Variants in SHPK observed in about 807,000 individuals in gnomAD.
SHPK encodes carbohydrate kinase-like protein.
Under a neutral mutation model 46.3 loss-of-function variants are expected in SHPK, and 51 were observed. The observed-to-expected ratio is 1.10, with a 90% CI of 0.88 to 1.39. The LOEUF is 1.39. Ranked by LOEUF, SHPK falls within the 40% of genes most tolerant of loss-of-function variation. The pLI is 0.00. For synonymous variants in SHPK, 290 were observed against 273.9 expected (o/e 1.06, Z -0.58); for missense variants, 668 against 641.3 (o/e 1.04, Z -0.45).
At chr17:3,630,593 T>C (rs2075464817) in intron 1 of SHPK, among the ~76,000 whole-genome samples, 1 of 152,198 alleles carries the variant, frequency 6.6e-6, no homozygotes. Context: ...CACTGGTGGC[T>C]CAAGCCTATA....
chr17:3,627,138 G>A (rs1252250458), intron 2 of SHPK, among the ~76,000 whole-genome samples: 1 of 152,080 alleles, frequency 6.6e-6, no homozygotes, highest in Non-Finnish European at 1.5e-5. Context: ...AGAGCTGCTT[G>A]TTCTCTCTTA....
chr17:3,614,953 G>T (rs2075363219), intron 6 of SHPK, among the ~76,000 whole-genome samples: 2 of 152,092 alleles, frequency 1.3e-5, no homozygotes, highest in Admixed American at 6.6e-5. Flanking sequence ...ACGCACCATT[G>T]TAAGTCAAGG....
intron 5 of SHPK, among the ~76,000 whole-genome samples, chr17:3,620,942 G>A (rs1169828368): frequency 3.9e-5 from 6 of 152,192 alleles, no homozygotes; most frequent in East Asian, 3.9e-4. Flanking sequence ...TCTTGGGCCC[G>A]GAGTCACATA....
intron 1 of SHPK, among the ~76,000 whole-genome samples, chr17:3,631,152 G>C (rs1327565580): frequency 6.6e-6 from 1 of 152,124 alleles, no homozygotes; most frequent in Non-Finnish European, 1.5e-5. Context: ...GAGGAGAGGA[G>C]GGGTAGGATG....
intron 6 of SHPK, 37 bp from the exon 7 acceptor site, chr17:3,611,009 G>T: frequency 6.5e-7 from 1 of 1,550,196 alleles, no homozygotes; most frequent in African/African-American, 1.4e-5. Flanking sequence ...AAGCTCATGC[G>T]TCCCCCTCAG....
intron 2 of SHPK, among the ~76,000 whole-genome samples, chr17:3,628,635 T>G (rs183208315): frequency 6.6e-6 from 1 of 152,152 alleles, no homozygotes; most frequent in East Asian, 1.9e-4. Flanking sequence ...TAATTTCTTT[T>G]AAAGTTTGAT....
chr17:3,630,417 A>T (rs999038187), intron 1 of SHPK, 71 bp from the exon 2 acceptor site: 1 of 1,454,772 alleles, frequency 6.9e-7, no homozygotes, highest in African/African-American at 1.4e-5. Flanking sequence ...GCCTCCCGGG[A>T]TGTCCTGGAG....
chr17:3,620,481 T>C (rs2075393959), intron 5 of SHPK, among the ~76,000 whole-genome samples: 1 of 151,820 alleles, frequency 6.6e-6, no homozygotes, highest in South Asian at 2.1e-4. Context: ...TTAGCCAGGA[T>C]GGTCTCGATC....
chr17:3,613,616 G>A (rs549431817), intron 6 of SHPK, among the ~76,000 whole-genome samples: 5 of 152,042 alleles, frequency 3.3e-5, no homozygotes, highest in South Asian at 2.1e-4. Context: ...TGATCCGCCC[G>A]CCTCAGCCTC....
In SHPK at chr17:3,624,201, G is replaced by A. The variant is rs543930723; in HGVS notation, c.341C>T (p.Pro114Leu). The A allele has an allele frequency of 6.8e-6, 11 of 1,613,582 alleles. No homozygotes were observed. The highest frequency in any genetic ancestry group is 5.5e-5 in the South Asian group (5 of 91,020). The change falls in exon 3 of 7, where the codon CCG becomes CTG. Residue 114 changes from proline (P) to leucine (L), a missense_variant. Pro to Leu is a moderately conservative substitution (Grantham distance 98). Transcript: ENST00000225519. Reference protein sequence around the residue: ...GCEWTEGGITPVFEPRAVSHL... With the variant: ...GCEWTEGGITLVFEPRAVSHL... ...GCTAACAGCTCGGGGCTCGAACACCGGGGTAATCCCTCCCTCTGTCCATTC... is the reference window on the plus strand; with the variant it reads ...GCTAACAGCTCGGGGCTCGAACACCAGGGTAATCCCTCCCTCTGTCCATTC...
intron 2 of SHPK, among the ~76,000 whole-genome samples, chr17:3,626,096 C>T (rs7210277): frequency 0.1 from 15,288 of 152,174 alleles, 812 homozygotes; most frequent in Middle Eastern, 0.15. Context: ...ATTGTCTTTT[C>T]ACACAGAATG....
intron 5 of SHPK, chr17:3,619,588 C>A (rs181284304): frequency 4.5e-4 from 199 of 445,702 alleles, no homozygotes; most frequent in Non-Finnish European, 6.7e-4. Context: ...CAAACATTAA[C>A]CAGCCATGGT....
intron 2 of SHPK, among the ~76,000 whole-genome samples, chr17:3,625,889 C>T (rs1288101561): frequency 6.6e-6 from 1 of 152,064 alleles, no homozygotes; most frequent in Non-Finnish European, 1.5e-5. Context: ...CCCATCTCTA[C>T]AAAAAATACA....
chr17:3,627,486 G>A (rs2075445218), intron 2 of SHPK, among the ~76,000 whole-genome samples: 2 of 151,994 alleles, frequency 1.3e-5, no homozygotes, highest in Non-Finnish European at 2.9e-5. Flanking sequence ...GCCTAGCAAA[G>A]CGTTTTATAG....
intron 1 of SHPK, among the ~76,000 whole-genome samples, chr17:3,632,062 G>C (rs1186634267): frequency 6.6e-6 from 1 of 151,482 alleles, no homozygotes; most frequent in Non-Finnish European, 1.5e-5. Flanking sequence ...GTTCATGCGA[G>C]TCTCCTGCCT....
At position 3,636,126 on chromosome 17, in the gene SHPK, A is replaced by C; in HGVS notation, c.94T>G (p.Phe32Val). The C allele has an allele frequency of 1.2e-6, 2 of 1,611,036 alleles. No individual in the cohort carries two copies. Among genetic ancestry groups the C allele is most frequent in the East Asian group, 4.5e-5 (2 of 44,760 alleles). Residue 32 changes from phenylalanine (F) to valine (V), a missense_variant, in exon 1 of 7, where the codon TTC becomes GTC. Coordinates refer to ENST00000225519, the MANE Select transcript of SHPK (RefSeq NM_013276.4). The part of the protein sequence containing the change: ...LRAAPDDPSG[F>V]AVLASCARAA... Reference sequence around the variant, plus strand: ...CGGGCACAGCTCGCCAGCACTGCGAACCCGGATGGGTCGTCGGGCGCGGCC... The same window carrying C: ...CGGGCACAGCTCGCCAGCACTGCGACCCCGGATGGGTCGTCGGGCGCGGCC...
intron 1 of SHPK, 69 bp downstream of exon 1, chr17:3,635,983 G>C: frequency 7.1e-7 from 1 of 1,413,548 alleles, no homozygotes; most frequent in Non-Finnish European, 9.3e-7. Context: ...TGTCAGGGAG[G>C]CCTCCTGGGG....
chr17:3,618,429 G>A (rs1252148260), intron 5 of SHPK, among the ~76,000 whole-genome samples: 3 of 151,918 alleles, frequency 2.0e-5, no homozygotes, highest in Non-Finnish European at 2.9e-5. Context: ...AAATTTAAAT[G>A]TACTTCTTCT....
intron 6 of SHPK, among the ~76,000 whole-genome samples, chr17:3,614,020 C>A (rs1022853719): frequency 6.6e-6 from 1 of 152,208 alleles, no homozygotes; most frequent in East Asian, 1.9e-4. Context: ...GTCCTCAGCT[C>A]CCCCAGTCTA....
Sources: allele counts gnomAD v4.1 joint callset (sites outside exome capture counted in the v4.1 genomes callset), GRCh38; gene constraint gnomAD v4.1.1; transcripts MANE v1.5; gene names NCBI Gene and HGNC (gene_info 2026-07-23, HGNC 2026-07-21).